ERC2: variants seen among roughly 807,000 people sequenced by gnomAD.
ERC2 encodes ERC protein 2.
A neutral mutation model predicts 114.8 loss-of-function variants in ERC2; 42 were observed. The observed-to-expected ratio is 0.37, with a 90% confidence interval of 0.29 to 0.47. The LOEUF (loss-of-function observed/expected upper bound fraction) is 0.47. ERC2 is among the 20% of genes least tolerant of loss of function. The probability of loss-of-function intolerance (pLI) is 0.99; values close to 1 mark genes in which losing one functional copy is unlikely to be tolerated. For missense variants in ERC2, 939 were observed against 1,150.7 expected, an observed-to-expected ratio of 0.82 and a Z score of 2.66; for synonymous variants, 454 against 425.5, an observed-to-expected ratio of 1.07 and a Z score of -0.82.
At chr3:55,713,360 G>A (rs1361656312) in intron 15 of ERC2, among the ~76,000 whole-genome samples, 5 of 151,892 alleles carry the variant, frequency 3.3e-5, no homozygotes, top group African/African-American at 9.7e-5. Flanking sequence ...ACCAGCGCCC[G>A]CCACCATGCC....
intron 14 of ERC2, among the ~76,000 whole-genome samples, chr3:55,763,266 G>A (rs552684802): frequency 2.6e-5 from 4 of 152,192 alleles, no homozygotes; most frequent in African/African-American, 7.2e-5. Context: ...ACATGAAAGC[G>A]TTTAAACTAA....
At chr3:56,170,591 T>TG (rs2082589614) in intron 4 of ERC2, among the ~76,000 whole-genome samples, 2 of 22,482 alleles carry the variant, frequency 8.9e-5, no homozygotes, top group African/African-American at 1.5e-4. Context: ...TTCTGTTTTT[T>TG]TTTTTTTTTT....
chr3:56,182,360 A>G (rs1387952691), intron 3 of ERC2, among the ~76,000 whole-genome samples: 6 of 152,226 alleles, frequency 3.9e-5, no homozygotes, highest in Admixed American at 1.3e-4. Flanking sequence ...GGCGCTCAAC[A>G]AACACTGATG....
chr3:55,755,671 G>A (rs1267572494), intron 14 of ERC2, among the ~76,000 whole-genome samples: 1 of 152,134 alleles, frequency 6.6e-6, no homozygotes, highest in Non-Finnish European at 1.5e-5. Flanking sequence ...AATCATGGGA[G>A]GCATTTGTAA....
chr3:55,854,266 C>T (rs1429918572), intron 14 of ERC2, among the ~76,000 whole-genome samples: 1 of 152,178 alleles, frequency 6.6e-6, no homozygotes, highest in Non-Finnish European at 1.5e-5. Flanking sequence ...CAGAGTGAGA[C>T]TCCATCCCAG....
intron 7 of ERC2, among the ~76,000 whole-genome samples, chr3:56,061,266 G>A (rs1360780560): frequency 2.6e-5 from 4 of 152,132 alleles, no homozygotes; most frequent in Admixed American, 1.3e-4. Context: ...AATTTCAATC[G>A]CTAAAATTGA....
At chr3:56,265,266 A>G (rs1485226142) in intron 3 of ERC2, among the ~76,000 whole-genome samples, 1 of 152,214 alleles carries the variant, frequency 6.6e-6, no homozygotes, top group Admixed American at 6.5e-5. Context: ...ACACAGGCCA[A>G]TAAAAAAGAA....
At chr3:55,863,190 G>T (rs2062103129) in intron 14 of ERC2, among the ~76,000 whole-genome samples, 1 of 152,080 alleles carries the variant, frequency 6.6e-6, no homozygotes, top group Non-Finnish European at 1.5e-5. Flanking sequence ...GCACTGTATG[G>T]CATGGTCTCA....
intron 14 of ERC2, among the ~76,000 whole-genome samples, chr3:55,756,629 G>T (rs1449818339): frequency 6.6e-6 from 1 of 152,192 alleles, no homozygotes; most frequent in Admixed American, 6.5e-5. Context: ...GACATCTTCT[G>T]ATGAATTATT....
chr3:56,168,466 G>A (rs2082439783), intron 4 of ERC2, among the ~76,000 whole-genome samples: 1 of 152,190 alleles, frequency 6.6e-6, no homozygotes, highest in Non-Finnish European at 1.5e-5. Context: ...GAAGATGAAT[G>A]AAATAAACCT....
At chr3:55,699,541 C>A in intron 15 of ERC2, 29 bp from the exon 16 acceptor site, 1 of 1,574,266 alleles carries the variant, frequency 6.4e-7, no homozygotes, top group Non-Finnish European at 8.7e-7. Context: ...AAGGAAGATT[C>A]CATCAGGAGC....
chr3:55,619,654 T>C (rs1381400411), intron 17 of ERC2, among the ~76,000 whole-genome samples: 2 of 152,190 alleles, frequency 1.3e-5, no homozygotes, highest in Non-Finnish European at 2.9e-5. Flanking sequence ...GGGACCCATC[T>C]GATCTTCAGA....
chr3:55,758,935 A>AG (rs1178665632), intron 14 of ERC2, among the ~76,000 whole-genome samples: 1 of 152,218 alleles, frequency 6.6e-6, no homozygotes, highest in Non-Finnish European at 1.5e-5. Flanking sequence ...TGCTAAGGTG[A>AG]GGGTTAACCG....
chr3:56,378,609 G>A (rs969630019), intron 2 of ERC2, among the ~76,000 whole-genome samples: 1 of 151,290 alleles, frequency 6.6e-6, no homozygotes, highest in Admixed American at 6.6e-5. Flanking sequence ...TCTGAAACTG[G>A]TTCTCAAGAT....
chr3:56,252,012 T>A (rs140387753), intron 3 of ERC2, among the ~76,000 whole-genome samples: 166 of 152,326 alleles, frequency 1.1e-3, no homozygotes, highest in African/African-American at 3.8e-3. Context: ...GCCTTATAGC[T>A]GGTCAAGTTC....
chr3:56,210,170 C>CAG (rs1283038200), intron 3 of ERC2, among the ~76,000 whole-genome samples: 1 of 152,152 alleles, frequency 6.6e-6, no homozygotes, highest in African/African-American at 2.4e-5. Context: ...GCTGATAAAT[C>CAG]AGACATAAAG....
chr3:55,837,261 C>A (rs1037545473), intron 14 of ERC2, among the ~76,000 whole-genome samples: 3 of 152,104 alleles, frequency 2.0e-5, no homozygotes, highest in Admixed American at 6.5e-5. Context: ...TGGGTATATA[C>A]CCAAAGGATT....
At chr3:55,683,534 A>G (rs1364184921) in intron 17 of ERC2, among the ~76,000 whole-genome samples, 10 of 152,164 alleles carry the variant, frequency 6.6e-5, no homozygotes, top group African/African-American at 2.4e-4. Flanking sequence ...TACATCTTAA[A>G]TAACACAGAA....
At chr3:56,021,162 G>C (rs2073687386) in intron 7 of ERC2, among the ~76,000 whole-genome samples, 1 of 152,062 alleles carries the variant, frequency 6.6e-6, no homozygotes, top group Admixed American at 6.6e-5. Context: ...AAAAAATAAG[G>C]TACAGAACAG....
Sources: gnomAD v4.1 joint callset for allele counts (sites outside exome capture counted in the v4.1 genomes callset) on GRCh38, gnomAD v4.1.1 for gene constraint, MANE v1.5 for transcripts, NCBI Gene and HGNC (gene_info 2026-07-23, HGNC 2026-07-21) for gene names.